The following MAGI1 variants were observed in gnomAD, a reference collection of about 807,000 sequenced individuals.
MAGI1 encodes the protein membrane-associated guanylate kinase, WW and PDZ domain-containing protein 1.
MAGI1 carries 58 observed loss-of-function variants against 139.9 expected under a neutral mutation model. That is an observed-to-expected ratio of 0.41 (90% CI 0.34 to 0.52). The LOEUF (loss-of-function observed/expected upper bound fraction) is 0.52. Among genes scored for constraint, MAGI1 ranks in the 20% least tolerant of loss-of-function variants. The pLI, the probability that MAGI1 is intolerant of heterozygous loss-of-function variation, is 0.12. For synonymous variants in MAGI1, 812 were observed against 737.9 expected (o/e 1.10, Z -1.63); for missense variants, 1,874 against 1,901.6 (o/e 0.99, Z 0.27).
chr3:65,471,219 T>C (rs993842684), intron 4 of MAGI1, among the ~76,000 whole-genome samples: 4 of 152,168 alleles, frequency 2.6e-5, no homozygotes, highest in African/African-American at 9.7e-5. Context: ...TCTTATTAAC[T>C]AGAAACATCA....
chr3:65,761,770 G>T (rs1161545493), intron 1 of MAGI1, among the ~76,000 whole-genome samples: 1 of 152,104 alleles, frequency 6.6e-6, no homozygotes, highest in East Asian at 1.9e-4. Flanking sequence ...GATTGTTTTT[G>T]CCTCTCAGTA....
intron 1 of MAGI1, among the ~76,000 whole-genome samples, chr3:65,845,830 G>T (rs1000081540): frequency 1.3e-5 from 2 of 152,172 alleles, no homozygotes; most frequent in African/African-American, 4.8e-5. Context: ...CGAAAGGTAA[G>T]TTTTGCTGTT....
intron 17 of MAGI1, among the ~76,000 whole-genome samples, chr3:65,378,050 C>A (rs1441425359): frequency 6.6e-6 from 1 of 152,194 alleles, no homozygotes; most frequent in Non-Finnish European, 1.5e-5. Flanking sequence ...CAGCCCTTCC[C>A]CTTCTCCCAT....
chr3:65,728,462 A>C (rs2033847751), intron 1 of MAGI1, among the ~76,000 whole-genome samples: 1 of 152,202 alleles, frequency 6.6e-6, no homozygotes, highest in Non-Finnish European at 1.5e-5. Flanking sequence ...GTTGTTAAAA[A>C]CAGCTGCTGC....
Position 65,353,985 on chromosome 3 carries a change from A to G in MAGI1, c.*2393T>C, listed in dbSNP as rs2106664662. Reference sequence around the variant, plus strand: ...CATAGATTTTAAATTGCCAAATATCATCTTACAACAAGAAGGACATCAAGA... The same window carrying G: ...CATAGATTTTAAATTGCCAAATATCGTCTTACAACAAGAAGGACATCAAGA... On this transcript the variant is annotated 3_prime_UTR_variant, in exon 23 of 23. Transcript: ENST00000402939. The G allele has an allele frequency of 6.6e-6, 1 of 152,374 alleles. No individual in the cohort carries two copies. Among genetic ancestry groups the G allele is most frequent in the African/African-American group, 2.4e-5 (1 of 41,582 alleles). 9.4% of individuals were successfully genotyped at this position (152,374 alleles called of 1,614,324 possible).
At chr3:65,552,202 G>C (rs1185670678) in intron 2 of MAGI1, among the ~76,000 whole-genome samples, 3 of 152,098 alleles carry the variant, frequency 2.0e-5, no homozygotes, top group African/African-American at 7.2e-5. Flanking sequence ...CTCTGATGAA[G>C]AGGATTGGAG....
chr3:65,448,319 G>T (rs536193169), intron 6 of MAGI1: 1 of 567,092 alleles, frequency 1.8e-6, no homozygotes, highest in Admixed American at 3.1e-5. Flanking sequence ...TTGATTGGTT[G>T]TAAAAGATGA....
chr3:65,942,071 GCCA>G (rs1422292179), intron 1 of MAGI1, among the ~76,000 whole-genome samples: 1 of 152,212 alleles, frequency 6.6e-6, no homozygotes, highest in Non-Finnish European at 1.5e-5. Flanking sequence ...ATAGGCGTGA[GCCA>G]CCATACCCAG....
chr3:65,508,960 C>T (rs955646631), intron 2 of MAGI1, among the ~76,000 whole-genome samples: 1 of 152,204 alleles, frequency 6.6e-6, no homozygotes, highest in African/African-American at 2.4e-5. Context: ...CAGGGTAAGA[C>T]TGCCATTAGC....
chr3:65,438,561 G>A (rs1452381798), intron 9 of MAGI1, among the ~76,000 whole-genome samples: 1 of 152,184 alleles, frequency 6.6e-6, no homozygotes, highest in African/African-American at 2.4e-5. Context: ...GACTAAGGTA[G>A]ATAACATTTC....
intron 1 of MAGI1, among the ~76,000 whole-genome samples, chr3:65,637,922 T>C (rs1170466025): frequency 6.6e-6 from 1 of 152,162 alleles, no homozygotes; most frequent in Non-Finnish European, 1.5e-5. Flanking sequence ...CCATGAGAGT[T>C]TCCTATGAAG....
intron 1 of MAGI1, among the ~76,000 whole-genome samples, chr3:65,831,139 T>C (rs902208368): frequency 3.3e-5 from 5 of 152,198 alleles, no homozygotes; most frequent in African/African-American, 9.7e-5. Flanking sequence ...CAATGACCTT[T>C]TTGTCCTGTT....
chr3:65,437,178 G>A lies in MAGI1; in HGVS notation c.1340C>T (p.Pro447Leu). 1 of 1,609,272 alleles carries A rather than the reference G, an allele frequency of 6.2e-7. No individual in the cohort carries two copies. The highest frequency in any genetic ancestry group is 1.1e-5 in the South Asian group (1 of 90,906). ...ACCCTGAAGTGGAACTTCTCTGGCT[G>A]GCTCTGGATTGCTTGGAGGGTGGTT... ...IPNHPPSNPE[P>L]AREVPLQGKP... Residue 447 changes from proline (P) to leucine (L), a missense_variant, in exon 10 of 23, where the codon CCA (proline) becomes CTA (leucine). This residue lies in a region of MAGI1 where 648 missense variants were observed against 598.1 expected (regional missense o/e 1.08). Coordinates refer to ENST00000402939, the MANE Select transcript of MAGI1 (RefSeq NM_001033057.2).
At chr3:65,711,112 G>C (rs1173611157) in intron 1 of MAGI1, among the ~76,000 whole-genome samples, 1 of 152,150 alleles carries the variant, frequency 6.6e-6, no homozygotes, top group African/African-American at 2.4e-5. Context: ...TCAACAACTA[G>C]TCACCAAACA....
intron 1 of MAGI1, among the ~76,000 whole-genome samples, chr3:65,728,073 A>G (rs1270549298): frequency 1.3e-5 from 2 of 152,130 alleles, no homozygotes; most frequent in Non-Finnish European, 2.9e-5. Flanking sequence ...AGCTAACATA[A>G]TGTATTGTCA....
intron 1 of MAGI1, among the ~76,000 whole-genome samples, chr3:65,693,114 A>T (rs534609784): frequency 2.9e-4 from 44 of 152,128 alleles, no homozygotes; most frequent in Admixed American, 1.8e-3. Flanking sequence ...TTTATTTTTT[A>T]AAAAAATTTT....
At chr3:65,546,621 G>A (rs1032555437) in intron 2 of MAGI1, among the ~76,000 whole-genome samples, 6 of 152,150 alleles carry the variant, frequency 3.9e-5, no homozygotes, top group African/African-American at 1.2e-4. Context: ...TTCTAGAATT[G>A]TTTAACTAAG....
At chr3:65,549,368 T>A in intron 2 of MAGI1, 6 of 896,474 alleles carry the variant, frequency 6.7e-6, no homozygotes, top group Non-Finnish European at 8.0e-6. Context: ...CCCTCCCCTC[T>A]TCCTGCTGTC....
chr3:65,498,298 A>G (rs1050683471), intron 2 of MAGI1, among the ~76,000 whole-genome samples: 1 of 145,190 alleles, frequency 6.9e-6, no homozygotes, highest in African/African-American at 2.5e-5. Flanking sequence ...GAAAAAAAAA[A>G]GCGACCAGGC....
Sources: allele counts gnomAD v4.1 joint callset (sites outside exome capture counted in the v4.1 genomes callset), GRCh38; gene constraint gnomAD v4.1.1; regional missense constraint gnomAD v4.1.1; transcripts MANE v1.5; gene names NCBI Gene and HGNC (gene_info 2026-07-23, HGNC 2026-07-21).